The following HK1 variants were observed in gnomAD, a reference collection of about 807,000 sequenced individuals.
HK1 encodes the protein hexokinase 1.
HK1 carries 28 observed loss-of-function variants against 91.6 expected under a neutral mutation model. The observed-to-expected ratio is 0.31, with a 90% CI of 0.23 to 0.42. The LOEUF (loss-of-function observed/expected upper bound fraction) is 0.42, where lower values mean the gene tolerates loss of function less well. Ranked by LOEUF, HK1 falls within the 10% of genes least tolerant of loss-of-function variation. The pLI is 1.00. For synonymous variants in HK1, 430 were observed against 468.1 expected (o/e 0.92, Z 1.05); for missense variants, 770 against 1,219.8 (o/e 0.63, Z 5.49).
chr10:69,353,400 G>A (rs1005371142), intron 2 of HK1, among the ~76,000 whole-genome samples: 1 of 152,052 alleles, frequency 6.6e-6, no homozygotes, highest in African/African-American at 2.4e-5. Flanking sequence ...ACTAGCTTGG[G>A]CAACATGGTA....
At chr10:69,300,615 A>G (rs1264812392) in intron 4 of HK1, 4 of 717,234 alleles carry the variant, frequency 5.6e-6, no homozygotes, top group Non-Finnish European at 1.0e-5. Flanking sequence ...ACACTTGTTT[A>G]GACTGCCTGT....
At chr10:69,288,639 C>T in intron 2 of HK1, 2 of 1,011,856 alleles carry the variant, frequency 2.0e-6, no homozygotes, top group South Asian at 1.3e-5. Context: ...AATCCTCTGA[C>T]CCTGCCTTCT....
chr10:69,315,688 A>G, upstream of HK1: 1 of 532,890 alleles, frequency 1.9e-6, no homozygotes, highest in Non-Finnish European at 3.4e-6. Flanking sequence ...CCCTGGCCTC[A>G]GGAAGCTGTC....
In HK1 at chr10:69,323,541, A is replaced by C. The variant is rs189021587; in HGVS notation, c.63+4531A>C. ...GTCTCAAAAAAAAAAAAAAAAAAAG[A>C]AGAAAGAAAATTATGAGAAGTGTCT... On this transcript the variant is annotated intron_variant, in intron 1 of 17. Transcript: ENST00000359426. Among the ~76,000 whole-genome samples the C allele has an allele frequency of 7.1e-3, 1,039 of 145,380 alleles. 20 individuals carry two copies. Among genetic ancestry groups the C allele is most frequent in the African/African-American group, 0.025 (976 of 39,352 alleles).
intron 7 of HK1, 69 bp from the exon 8 acceptor site, chr10:69,376,865 G>A: frequency 6.3e-7 from 1 of 1,590,676 alleles, no homozygotes; most frequent in Non-Finnish European, 8.6e-7. Flanking sequence ...TTCCTTTTAT[G>A]TCTGTCCCAG....
At chr10:69,365,381 G>A (rs1291120674) in intron 4 of HK1, among the ~76,000 whole-genome samples, 4 of 152,148 alleles carry the variant, frequency 2.6e-5, no homozygotes, top group African/African-American at 9.7e-5. Context: ...GAGGTGACTT[G>A]TTGTACCCAC....
Position 69,377,052 on chromosome 10 carries a change from G to A in HK1, c.994G>A (p.Gly332Arg). The A allele has an allele frequency of 1.2e-6, 2 of 1,614,174 alleles. No individual in the cohort carries two copies. Among genetic ancestry groups the A allele is most frequent in the Non-Finnish European group, 1.7e-6 (2 of 1,180,028 alleles). ...GRITPELLTR[G>R]KFNTSDVSAI... Reference sequence around the variant, plus strand: ...GATCACCCCGGAGCTGCTCACCCGAGGGAAGTTTAACACCAGTGATGTGTC... The same window carrying A: ...GATCACCCCGGAGCTGCTCACCCGAAGGAAGTTTAACACCAGTGATGTGTC... The change falls in exon 8 of 18, where the codon GGG (glycine) becomes AGG (arginine). Residue 332 changes from glycine to arginine, a missense_variant. By Grantham distance (125) the Gly-to-Arg change is moderately radical (BLOSUM62 -2). Coordinates refer to ENST00000359426, the MANE Select transcript of HK1 (RefSeq NM_000188.3).
At chr10:69,275,944 G>A (rs1252898147) in intron 1 of HK1, among the ~76,000 whole-genome samples, 1 of 150,828 alleles carries the variant, frequency 6.6e-6, no homozygotes, top group Non-Finnish European at 1.5e-5. Context: ...CAAAAAATTA[G>A]CTGGGCGTGG....
intron 9 of HK1, among the ~76,000 whole-genome samples, chr10:69,381,262 G>T (rs2132877053): frequency 6.6e-6 from 1 of 152,230 alleles, no homozygotes; most frequent in East Asian, 1.9e-4. Context: ...CTCCAGCCTG[G>T]GGGACAGAAT....
intron 5 of HK1, among the ~76,000 whole-genome samples, chr10:69,305,670 T>C (rs986672052): frequency 2.0e-5 from 3 of 150,980 alleles, no homozygotes; most frequent in African/African-American, 7.3e-5. Context: ...GCCTGGAACA[T>C]GGTGAAACCC....
At chr10:69,288,457 C>T (rs1423180966) in intron 2 of HK1, among the ~76,000 whole-genome samples, 2 of 152,128 alleles carry the variant, frequency 1.3e-5, no homozygotes, top group African/African-American at 4.8e-5. Context: ...GGCGCCACTG[C>T]ATTCTAGTCT....
chr10:69,331,766 C>T (rs937378597), intron 1 of HK1, among the ~76,000 whole-genome samples: 22 of 151,726 alleles, frequency 1.4e-4, no homozygotes, highest in Admixed American at 3.9e-4. Flanking sequence ...GTCCCAGCCA[C>T]TTGGGAGTCT....
At chr10:69,384,635 G>A (rs985625253) in intron 11 of HK1, 154 bp downstream of exon 11, 7 of 1,408,114 alleles carry the variant, frequency 5.0e-6, no homozygotes, top group African/African-American at 1.4e-5. Flanking sequence ...CCTGGCTTGT[G>A]ACACTCTGGT....
chr10:69,394,936 T>G lies in HK1; in HGVS notation c.2220-14T>G. 2 of 1,613,912 alleles carry G rather than the reference T, an allele frequency of 1.2e-6. No individual in the cohort carries two copies. The highest frequency in any genetic ancestry group is 1.7e-6 in the Non-Finnish European group (2 of 1,179,930). On this transcript the variant is annotated splice_polypyrimidine_tract_variant and intron_variant, in intron 15 of 17. Coordinates refer to ENST00000359426, the MANE Select transcript of HK1 (RefSeq NM_000188.3). Reference sequence around the variant, plus strand: ...ACTTCCCATAGACACCCCAGGCCCCTCCTCCTGTCTCAGGTATGAGAAGAT... The same window carrying G: ...ACTTCCCATAGACACCCCAGGCCCCGCCTCCTGTCTCAGGTATGAGAAGAT...
chr10:69,313,562 A>T (rs558218446), upstream of HK1, among the ~76,000 whole-genome samples: 1 of 152,302 alleles, frequency 6.6e-6, no homozygotes, highest in South Asian at 2.1e-4. Context: ...TCCCGGGTTC[A>T]AGCGATTCTC....
intron 13 of HK1, 132 bp downstream of exon 13, chr10:69,386,550 G>A (rs1589576552): frequency 2.1e-5 from 13 of 628,658 alleles, no homozygotes; most frequent in South Asian, 9.5e-5. Context: ...TTGGGAGGCC[G>A]AGGCGGGTGG....
chr10:69,375,602 G>A (rs548309176), intron 7 of HK1, among the ~76,000 whole-genome samples: 1 of 152,192 alleles, frequency 6.6e-6, no homozygotes, highest in Non-Finnish European at 1.5e-5. Flanking sequence ...CTCAGGTCTC[G>A]GCAGCATCCT....
At position 69,389,219 on chromosome 10, in the gene HK1, C is replaced by T. The variant is rs752658009; in HGVS notation, c.1958C>T (p.Ala653Val). The T allele has an allele frequency of 1.9e-6, 3 of 1,613,972 alleles. No individual in the cohort carries two copies. Among genetic ancestry groups the T allele is most frequent in the Non-Finnish European group, 2.5e-6 (3 of 1,179,870 alleles). ...AAGGAATTTGACCTGGACGTGGTGG[C>T]TGTGGTCAACGACACAGTGGGCACC... ...RREEFDLDVVAVVNDTVGTMM... is the reference protein window; with the variant it reads ...RREEFDLDVVVVVNDTVGTMM... The change falls in exon 14 of 18, where the codon GCT becomes GTT. Residue 653 changes from alanine to valine, a missense_variant. Ala to Val is a moderately conservative substitution (Grantham distance 64, BLOSUM62 0). Coordinates refer to ENST00000359426, the MANE Select transcript of HK1 (RefSeq NM_000188.3).
chr10:69,367,703 G>A (rs576976703), intron 4 of HK1, among the ~76,000 whole-genome samples: 71 of 151,888 alleles, frequency 4.7e-4, no homozygotes, highest in African/African-American at 1.4e-3. Flanking sequence ...AGCTACCTCT[G>A]CAGGCCTGCG....
Sources: gnomAD v4.1 joint callset for allele counts (sites outside exome capture counted in the v4.1 genomes callset) on GRCh38, gnomAD v4.1.1 for gene constraint, MANE v1.5 for transcripts, NCBI Gene and HGNC (gene_info 2026-07-23, HGNC 2026-07-21) for gene names.